SIGLEC6: variants seen among roughly 807,000 people sequenced by gnomAD.
SIGLEC6 encodes the protein sialic acid-binding Ig-like lectin 6.
Under a neutral mutation model 41.4 loss-of-function variants are expected in SIGLEC6, and 31 were observed. That is an observed-to-expected ratio of 0.75 (90% CI 0.56 to 1.01). The LOEUF (loss-of-function observed/expected upper bound fraction) is 1.01. SIGLEC6 is among the 50% of genes least tolerant of loss of function. The probability of loss-of-function intolerance (pLI) is 0.00; values close to 1 mark genes in which losing one functional copy is unlikely to be tolerated. For synonymous variants in SIGLEC6, 217 were observed against 231.0 expected (o/e 0.94, Z 0.55); for missense variants, 555 against 558.6 (o/e 0.99, Z 0.06).
At position 51,521,637 on chromosome 19, in the gene SIGLEC6, C is replaced by A. The variant is rs1049747692; in HGVS notation, c.1189-1382G>T. Among the ~76,000 whole-genome samples the A allele has an allele frequency of 2.0e-5, 3 of 152,062 alleles. No homozygotes were observed. The East Asian group carries it at 5.8e-4, about 29-fold the overall frequency. ...CCTCTCCCTGGGCTTCCCCTGGCCA[C>A]CTTCCCCCATCCACACATCCCAGAC... On this transcript the variant is annotated intron_variant, in intron 7 of 7. Transcript: ENST00000425629.
chr19:51,522,175 C>G (rs570455125), intron 7 of SIGLEC6, among the ~76,000 whole-genome samples: 376 of 152,364 alleles, frequency 2.5e-3, no homozygotes, highest in Non-Finnish European at 4.6e-3. Context: ...GGAGAAGGAA[C>G]AGCTATGAGA....
chr19:51,530,435 A>G lies in SIGLEC6; in HGVS notation c.754+2T>C. ...GAGAGAACAGGACTGGCTGGTTCCT[A>G]CCTGCGCTGTTTCCTTGGAAGATGC... On this transcript the variant is annotated splice_donor_variant, in intron 4 of 7. Coordinates refer to ENST00000425629, the MANE Select transcript of SIGLEC6 (RefSeq NM_001245.7). LOFTEE classifies it high-confidence loss of function. The G allele has an allele frequency of 1.2e-6, 2 of 1,613,842 alleles. No homozygotes were observed. Among genetic ancestry groups the G allele is most frequent in the Non-Finnish European group, 1.7e-6 (2 of 1,179,810 alleles).
rs1439216654 is a variant in SIGLEC6, at chr19:51,518,355, T to C, written c.*1727A>G. On this transcript the variant is annotated 3_prime_UTR_variant, in exon 8 of 8. Coordinates refer to ENST00000425629, the MANE Select transcript of SIGLEC6 (RefSeq NM_001245.7). ...TGTTTGTTTGTTTTGTTTTGCTTTTTCTGAGTTGGAGTCTCGCTCTGTTGC... is the reference window on the plus strand; with the variant it reads ...TGTTTGTTTGTTTTGTTTTGCTTTTCCTGAGTTGGAGTCTCGCTCTGTTGC... 6.6e-6 allele frequency among the ~76,000 whole-genome samples: 1 copy of C among 152,246 alleles called. No homozygotes were observed. The highest frequency in any genetic ancestry group is 1.5e-5 in the Non-Finnish European group (1 of 68,048).
rs1360641494 is a variant in SIGLEC6 at position 51,527,741 on chromosome 19, A to C, written c.1188+6T>G. 6.2e-7 allele frequency: 1 copy of C among 1,613,062 alleles called. No individual in the cohort carries two copies. The highest frequency in any genetic ancestry group is 8.5e-7 in the Non-Finnish European group (1 of 1,179,174). The stretch of plus-strand genomic sequence containing the variant: ...CTGAATGGAAATTAAGGTCTCTGTC[A>C]CTCACCCTGGAGCCTGAGACCATGA... On this transcript the variant is annotated splice_donor_region_variant and intron_variant, in intron 7 of 7. Coordinates refer to ENST00000425629, the MANE Select transcript of SIGLEC6 (RefSeq NM_001245.7).
chr19:51,520,015 C>T lies in SIGLEC6; in HGVS notation c.*67G>A. The T allele has an allele frequency of 7.5e-7, 1 of 1,330,304 alleles. No homozygotes were observed. The highest frequency in any genetic ancestry group is 1.9e-5 in the South Asian group (1 of 52,620). 82.4% of individuals were successfully genotyped at this position (1,330,304 alleles called of 1,614,324 possible). ...GTTTGTGGTACATTGCTGTGGCAGC[C>T]CTAGTAACCAATACACTGAGAGGTA... is the stretch of plus-strand genomic sequence containing the variant. On this transcript the variant is annotated 3_prime_UTR_variant, in exon 8 of 8. Transcript: ENST00000425629.
chr19:51,519,298 A>AAAT lies in SIGLEC6; in HGVS notation c.*783_*784insATT, dbSNP rs1204280288. ...AGATACAGCAAGACTCCATCTCAGA[A>AAAT]AAAAAAAAAAAAAAAAAAAGCTAGC... On this transcript the variant is annotated 3_prime_UTR_variant, in exon 8 of 8. Coordinates refer to ENST00000425629, the MANE Select transcript of SIGLEC6 (RefSeq NM_001245.7). 1.9e-5 allele frequency among the ~76,000 whole-genome samples: 2 copies of AAAT among 103,864 alleles called. No homozygotes were observed. Among genetic ancestry groups the AAAT allele is most frequent in the African/African-American group, 7.5e-5 (2 of 26,552 alleles). 68.1% of individuals were successfully genotyped at this position (103,864 alleles called of 152,430 possible). A position where few individuals can be genotyped will look rare whatever the true frequency, so the allele number is the denominator to read the frequency against.
rs1568559317 is a variant in SIGLEC6 at position 51,531,425 on chromosome 19, G to C, written c.162C>G (p.Pro54=). The C allele has an allele frequency of 1.8e-5, 29 of 1,613,984 alleles. No individual in the cohort carries two copies. Among genetic ancestry groups the C allele is most frequent in the Non-Finnish European group, 2.5e-5 (29 of 1,180,014 alleles). ...GLCVLVPCRL[P]TTLPASYYGY... ...CATAGTACGAGGCTGGAAGGGTAGTGGGCAATCTGCAGGGTACGAGGACGC... is the reference window on the plus strand; with the variant it reads ...CATAGTACGAGGCTGGAAGGGTAGTCGGCAATCTGCAGGGTACGAGGACGC... Residue 54 remains proline (P), a synonymous_variant, in exon 2 of 8, where the codon CCC becomes CCG. Transcript: ENST00000425629.
rs62113285 is a variant in SIGLEC6 at position 51,531,347 on chromosome 19, G to A, written c.240C>T (p.Asp80=). The A allele has an allele frequency of 3.3e-3, 5,341 of 1,614,168 alleles. 14 individuals carry two copies. Among genetic ancestry groups the A allele is most frequent in the South Asian group, 7.9e-3 (719 of 91,086 alleles). ...EGADVPVATN[D]PDEEVQEETR... ...TCTCCTCCTGCACTTCTTCGTCTGGGTCGTTTGTGGCCACTGGAACATCAG... is the reference window on the plus strand; with the variant it reads ...TCTCCTCCTGCACTTCTTCGTCTGGATCGTTTGTGGCCACTGGAACATCAG... Residue 80 remains aspartate, a synonymous_variant, in exon 2 of 8, where the codon GAC becomes GAT. Transcript: ENST00000425629.
chr19:51,530,837 A>C lies in SIGLEC6; in HGVS notation c.550T>G (p.Ser184Ala), dbSNP rs760194476. 4 of 1,613,984 alleles carry C rather than the reference A, an allele frequency of 2.5e-6. No homozygotes were observed. The South Asian group carries it at 4.4e-5, about 18-fold the overall frequency. ...GGGCCCAGGGAGGTGGGGGCAGCTG[A>C]CATCCAGGAGAAGATGGGGGGCGTC... is the stretch of plus-strand genomic sequence containing the variant. ...QGTPPIFSWMSAAPTSLGPRT... is the reference protein window; with the variant it reads ...QGTPPIFSWMAAAPTSLGPRT... The change falls in exon 3 of 8, where the codon TCA (serine) becomes GCA (alanine). Residue 184 changes from serine to alanine, a missense_variant. By Grantham distance (99) the Ser-to-Ala change is moderately conservative (BLOSUM62 1). Transcript: ENST00000425629.
chr19:51,530,554 G>A, intron 3 of SIGLEC6, 70 bp from the exon 4 acceptor site: 2 of 1,609,314 alleles, frequency 1.2e-6, no homozygotes, highest in Middle Eastern at 1.7e-4. Context: ...CTTCCCCTCA[G>A]GAGCCATGAA....
At chr19:51,529,171 T>C (rs1979757874) in intron 5 of SIGLEC6, among the ~76,000 whole-genome samples, 1 of 152,122 alleles carries the variant, frequency 6.6e-6, no homozygotes, top group South Asian at 2.1e-4. Context: ...AGAGATTCTC[T>C]CACAGCCTCA....
At chr19:51,530,301 C>T (rs945254183) in intron 4 of SIGLEC6, 136 bp downstream of exon 4, 2 of 822,386 alleles carry the variant, frequency 2.4e-6, no homozygotes, top group Non-Finnish European at 3.8e-6. Flanking sequence ...GCGACAAAGG[C>T]TGGGGGTGAG....
intron 3 of SIGLEC6, 21 bp from the exon 4 acceptor site, chr19:51,530,505 C>T (rs373608717): frequency 1.2e-5 from 19 of 1,613,846 alleles, no homozygotes; most frequent in Middle Eastern, 1.6e-4. Flanking sequence ...AAGAGGTGGC[C>T]GCCTCAACAT....
intron 2 of SIGLEC6, 63 bp downstream of exon 2, chr19:51,531,097 C>T (rs1368656244): frequency 1.3e-6 from 2 of 1,550,592 alleles, no homozygotes. Flanking sequence ...GGCTCCCGTC[C>T]CAGCCCTGCC....
Position 51,518,600 on chromosome 19 carries a change from A to T in SIGLEC6, c.*1482T>A, listed in dbSNP as rs1481880592. Among the ~76,000 whole-genome samples the T allele has an allele frequency of 6.6e-6, 1 of 152,204 alleles. No individual in the cohort carries two copies. The highest frequency in any genetic ancestry group is 2.4e-5 in the African/African-American group (1 of 41,460). Reference sequence around the variant, plus strand: ...AGTGATCCACCCACCTCAGCCTCCCAAAGTGCTGGGATTACAGGCGTGAGC... The same window carrying T: ...AGTGATCCACCCACCTCAGCCTCCCTAAGTGCTGGGATTACAGGCGTGAGC... On this transcript the variant is annotated 3_prime_UTR_variant, in exon 8 of 8. Coordinates refer to ENST00000425629, the MANE Select transcript of SIGLEC6 (RefSeq NM_001245.7).
intron 4 of SIGLEC6, 83 bp from the exon 5 acceptor site, chr19:51,530,064 C>T (rs1425207940): frequency 6.8e-7 from 1 of 1,479,604 alleles, no homozygotes; most frequent in Non-Finnish European, 9.1e-7. Context: ...GGGGTCCACA[C>T]TAGCTCTGAG....
intron 7 of SIGLEC6, among the ~76,000 whole-genome samples, chr19:51,524,194 T>C (rs1170071499): frequency 6.6e-6 from 1 of 152,180 alleles, no homozygotes; most frequent in Non-Finnish European, 1.5e-5. Context: ...AAGGAAGATA[T>C]TGGCAGACTT....
chr19:51,530,172 T>C (rs1025096958), intron 4 of SIGLEC6, among the ~76,000 whole-genome samples, 191 bp from the exon 5 acceptor site: 5 of 152,172 alleles, frequency 3.3e-5, no homozygotes, highest in African/African-American at 4.8e-5. Context: ...GAGCAAGGGC[T>C]GCGGACAGCG....
rs200839137 is a variant in SIGLEC6 at position 51,529,986 on chromosome 19, G to C, written c.755-5C>G. 111 of 1,579,590 alleles carry C rather than the reference G, an allele frequency of 7.0e-5. No individual in the cohort carries two copies. Among genetic ancestry groups the C allele is most frequent in the Non-Finnish European group, 9.0e-5 (105 of 1,162,624 alleles). ...TGTTTTGCAGGATTTTGAAGGCTTT[G>C]GGGAGAGAGGTGTAGAGAGTTAGAG... On this transcript the variant is annotated splice_region_variant and splice_polypyrimidine_tract_variant and intron_variant, in intron 4 of 7. Coordinates refer to ENST00000425629, the MANE Select transcript of SIGLEC6 (RefSeq NM_001245.7).
Sources: allele counts gnomAD v4.1 joint callset (sites outside exome capture counted in the v4.1 genomes callset), GRCh38; gene constraint gnomAD v4.1.1; transcripts MANE v1.5; gene names NCBI Gene and HGNC (gene_info 2026-07-23, HGNC 2026-07-21).